RAB6B: variants seen among roughly 807,000 people sequenced by gnomAD.
The protein encoded by RAB6B is ras-related protein Rab-6B.
Under a neutral mutation model 31.2 loss-of-function variants are expected in RAB6B, and 7 were observed. The observed-to-expected ratio is 0.22, with a 90% CI of 0.13 to 0.42. The LOEUF is 0.42. RAB6B is among the 10% of genes least tolerant of loss of function. The probability of loss-of-function intolerance (pLI) is 1.00; values close to 1 mark genes in which losing one functional copy is unlikely to be tolerated. For missense variants in RAB6B, 149 were observed against 280.6 expected (o/e 0.53, Z 3.35); for synonymous variants, 105 against 104.9 (o/e 1.00, Z -0.01).
At chr3:133,868,230 T>A (rs1576404629) in intron 1 of RAB6B, among the ~76,000 whole-genome samples, 1 of 152,140 alleles carries the variant, frequency 6.6e-6, no homozygotes, top group Non-Finnish European at 1.5e-5. Flanking sequence ...GGGTGGAAGG[T>A]GCTAGAACCT....
chr3:133,887,923 C>G (rs1224291581), intron 1 of RAB6B, among the ~76,000 whole-genome samples: 7 of 152,182 alleles, frequency 4.6e-5, no homozygotes, highest in Non-Finnish European at 8.8e-5. Context: ...TTCAAAGCAC[C>G]ACAAATGGAA....
intron 1 of RAB6B, among the ~76,000 whole-genome samples, chr3:133,872,480 G>C (rs1363192507): frequency 6.6e-6 from 1 of 152,214 alleles, no homozygotes; most frequent in Admixed American, 6.5e-5. Context: ...GTGGTGACAA[G>C]TGAAACAGTT....
chr3:133,889,021 G>C (rs921215549), intron 1 of RAB6B, among the ~76,000 whole-genome samples: 1 of 152,164 alleles, frequency 6.6e-6, no homozygotes, highest in Admixed American at 6.5e-5. Flanking sequence ...GGAAAAGAAT[G>C]GCAGACGCAG....
intron 2 of RAB6B, among the ~76,000 whole-genome samples, chr3:133,860,034 C>T (rs905322550): frequency 2.7e-4 from 41 of 152,012 alleles, no homozygotes; most frequent in Admixed American, 2.2e-3. Flanking sequence ...CGGAGGGGCT[C>T]GGAGCCTGCA....
At chr3:133,859,238 C>A (rs11720659) in intron 2 of RAB6B, among the ~76,000 whole-genome samples, 78 of 152,308 alleles carry the variant, frequency 5.1e-4, no homozygotes, top group Non-Finnish European at 9.4e-4. Flanking sequence ...CTTGGCCTCC[C>A]GAAGTGCTGG....
At chr3:133,847,670 T>C (rs1286682450) in intron 2 of RAB6B, among the ~76,000 whole-genome samples, 1 of 152,216 alleles carries the variant, frequency 6.6e-6, no homozygotes. Flanking sequence ...TGCCCACCCA[T>C]TTCTCAACTA....
At chr3:133,832,608 C>T (rs1204930560) in intron 7 of RAB6B, among the ~76,000 whole-genome samples, 2 of 152,178 alleles carry the variant, frequency 1.3e-5, no homozygotes, top group East Asian at 3.8e-4. Flanking sequence ...ATGCCAACAC[C>T]CCATCCCGAA....
intron 4 of RAB6B, 137 bp downstream of exon 4, chr3:133,841,148 T>G: frequency 2.6e-6 from 2 of 767,628 alleles, no homozygotes; most frequent in Non-Finnish European, 4.3e-6. Flanking sequence ...CCTTTCTGCA[T>G]TCAGGGAGCA....
At chr3:133,876,586 A>T (rs1936400254) in intron 1 of RAB6B, among the ~76,000 whole-genome samples, 2 of 152,326 alleles carry the variant, frequency 1.3e-5, no homozygotes, top group South Asian at 4.1e-4. Context: ...TAATTATTGA[A>T]GGTAGACTAA....
intron 1 of RAB6B, among the ~76,000 whole-genome samples, chr3:133,890,083 G>C (rs1439965818): frequency 6.6e-6 from 1 of 152,178 alleles, no homozygotes; most frequent in Non-Finnish European, 1.5e-5. Context: ...GAGGAAAGGA[G>C]AAAAATTGGG....
intron 1 of RAB6B, among the ~76,000 whole-genome samples, chr3:133,878,323 A>T (rs1209813330): frequency 1.3e-5 from 2 of 152,348 alleles, no homozygotes; most frequent in East Asian, 3.9e-4. Context: ...AGAAACAAAC[A>T]TAAAAAGGAC....
chr3:133,852,683 TG>T (rs1936004902), intron 2 of RAB6B, among the ~76,000 whole-genome samples: 1 of 142,030 alleles, frequency 7.0e-6, no homozygotes, highest in South Asian at 2.2e-4. Flanking sequence ...CTCACCATGT[TG>T]CCCAGGCTGG....
chr3:133,853,845 C>T (rs1936036891), intron 2 of RAB6B, among the ~76,000 whole-genome samples: 2 of 152,118 alleles, frequency 1.3e-5, no homozygotes, highest in South Asian at 4.1e-4. Context: ...GCTGCGTAAA[C>T]AAAGATTATG....
intron 1 of RAB6B, among the ~76,000 whole-genome samples, chr3:133,893,337 C>T (rs576645861): frequency 1.3e-5 from 2 of 152,328 alleles, no homozygotes; most frequent in African/African-American, 4.8e-5. Flanking sequence ...CACAATGGGA[C>T]TCTGGGACTC....
At position 133,838,174 on chromosome 3, in the gene RAB6B, C is replaced by T; in HGVS notation, c.487G>A (p.Val163Met). 1 of 1,614,038 alleles carries T rather than the reference C, an allele frequency of 6.2e-7. No homozygotes were observed. Among genetic ancestry groups the T allele is most frequent in the Non-Finnish European group, 8.5e-7 (1 of 1,179,936 alleles). Residue 163 changes from valine to methionine, a missense_variant, in exon 6 of 8, where the codon GTG (valine) becomes ATG (methionine). Physicochemically the swap from Val to Met is conservative, Grantham distance 21 (BLOSUM62 1). Coordinates refer to ENST00000285208, the MANE Select transcript of RAB6B (RefSeq NM_016577.4). ...GCCAGGTGTGTCCTCACCTGCTTCA[C>T]GTTGTAGCCAGTCTTCGCACTGGTC... is the stretch of plus-strand genomic sequence containing the variant. Reference protein sequence around the residue: ...IETSAKTGYNVKQLFRRVASA... With the variant: ...IETSAKTGYNMKQLFRRVASA...
chr3:133,844,347 C>T (rs1165038617), intron 2 of RAB6B, among the ~76,000 whole-genome samples: 1 of 152,206 alleles, frequency 6.6e-6, no homozygotes, highest in Non-Finnish European at 1.5e-5. Flanking sequence ...GCTTCCCCAA[C>T]AGAGAAACCT....
intron 1 of RAB6B, among the ~76,000 whole-genome samples, chr3:133,870,887 TGGTC>T (rs979921945): frequency 1.3e-5 from 2 of 152,232 alleles, no homozygotes; most frequent in African/African-American, 4.8e-5. Flanking sequence ...CAGAGGAGCT[TGGTC>T]CCATGTACCC....
chr3:133,836,043 C>T (rs1013153323), intron 6 of RAB6B, among the ~76,000 whole-genome samples: 1 of 152,192 alleles, frequency 6.6e-6, no homozygotes, highest in African/African-American at 2.4e-5. Context: ...GGGCTCATAC[C>T]CTCCACTGCA....
chr3:133,855,497 T>C (rs944200232), intron 2 of RAB6B, among the ~76,000 whole-genome samples: 2 of 152,202 alleles, frequency 1.3e-5, no homozygotes, highest in African/African-American at 4.8e-5. Context: ...CCTTCAAATT[T>C]TAAATAAGGT....
Sources: allele counts gnomAD v4.1 joint callset (sites outside exome capture counted in the v4.1 genomes callset), GRCh38; gene constraint gnomAD v4.1.1; transcripts MANE v1.5; gene names NCBI Gene and HGNC (gene_info 2026-07-23, HGNC 2026-07-21).